The following ACACB variants were observed in gnomAD, a reference collection of about 807,000 sequenced individuals.
ACACB encodes acetyl-CoA carboxylase 2.
ACACB carries 209 observed loss-of-function variants against 278.8 expected under a neutral mutation model. The ratio of observed to expected loss-of-function variants is 0.75; its 90% CI spans 0.67 to 0.84. The LOEUF is 0.84. Ranked by LOEUF, ACACB falls within the 40% of genes least tolerant of loss-of-function variation. ACACB has a pLI of 0.00. For synonymous variants in ACACB, 1,174 were observed against 1,285.6 expected, an observed-to-expected ratio of 0.91 and a Z score of 1.86; for missense variants, 2,850 against 3,269.0, an observed-to-expected ratio of 0.87 and a Z score of 3.13.
At chr12:109,247,290 T>A (rs1224525842) in intron 39 of ACACB, among the ~76,000 whole-genome samples, 2 of 151,910 alleles carry the variant, frequency 1.3e-5, no homozygotes, top group African/African-American at 2.4e-5. Context: ...ATAAAATAGT[T>A]TTTAACATAT....
In ACACB at chr12:109,237,163, A is replaced by G. The variant is rs138426519; in HGVS notation, c.4447-2A>G. ...TGTCTTCTCTCTCTGGTCCGCCTAC[A>G]GTTTGCAGAAGATCGCATTTACCGT... On this transcript the variant is annotated splice_acceptor_variant, in intron 33 of 52. Transcript: ENST00000338432. LOFTEE classifies it high-confidence loss of function. The G allele has an allele frequency of 5.0e-6, 8 of 1,613,996 alleles. No homozygotes were observed. The highest frequency in any genetic ancestry group is 6.8e-6 in the Non-Finnish European group (8 of 1,180,016).
chr12:109,126,809 T>G (rs2042691488), intron 1 of ACACB, among the ~76,000 whole-genome samples: 1 of 152,204 alleles, frequency 6.6e-6, no homozygotes. Flanking sequence ...GGGTCTATAC[T>G]CTCAGAGGGC....
intron 4 of ACACB, among the ~76,000 whole-genome samples, chr12:109,169,142 C>CAAACAA: frequency 9.5e-6 from 1 of 105,818 alleles, no homozygotes; most frequent in Non-Finnish European, 1.8e-5. Flanking sequence ...GAGACTGTCT[C>CAAACAA]AAAAAAAAAA....
In ACACB at chr12:109,166,929, A is replaced by G; in HGVS notation, c.722A>G (p.Asp241Gly). ...CACAAGAAGCTGGACCTGCACAGAG[A>G]CTTTACCGTGGCTTCTCCCGCTGAG... ...REHKKLDLHRDFTVASPAEFV... is the reference protein window; with the variant it reads ...REHKKLDLHRGFTVASPAEFV... The change falls in exon 3 of 53, where the codon GAC becomes GGC. Residue 241 changes from aspartate (D) to glycine (G), a missense_variant. By Grantham distance (94) the Asp-to-Gly change is moderately conservative. Around this residue, in one of 3 missense-constraint regions of ACACB, gnomAD observed 2,265 missense variants for 2,561.3 expected, o/e 0.88. Coordinates refer to ENST00000338432, the MANE Select transcript of ACACB (RefSeq NM_001093.4). 6.2e-7 allele frequency: 1 copy of G among 1,613,952 alleles called. No individual in the cohort carries two copies. The highest frequency in any genetic ancestry group is 1.1e-5 in the South Asian group (1 of 91,058).
At chr12:109,142,132 C>G (rs1055934152) in intron 2 of ACACB, among the ~76,000 whole-genome samples, 1 of 152,020 alleles carries the variant, frequency 6.6e-6, no homozygotes, top group African/African-American at 2.4e-5. Flanking sequence ...ACCTATAGTT[C>G]TAGCTACTTG....
chr12:109,145,002 C>G (rs558064298), intron 2 of ACACB, among the ~76,000 whole-genome samples: 1 of 152,218 alleles, frequency 6.6e-6, no homozygotes, highest in Admixed American at 6.5e-5. Context: ...ACGTCGTGAT[C>G]CACCTGTCTA....
chr12:109,211,867 A>G (rs1026149332), intron 21 of ACACB, among the ~76,000 whole-genome samples: 11 of 152,200 alleles, frequency 7.2e-5, no homozygotes, highest in Non-Finnish European at 1.2e-4. Flanking sequence ...AAAAGTACAC[A>G]CTTGGAACTT....
At chr12:109,132,456 C>T (rs552813791) in intron 1 of ACACB, among the ~76,000 whole-genome samples, 1 of 152,144 alleles carries the variant, frequency 6.6e-6, no homozygotes, top group South Asian at 2.1e-4. Context: ...TGAGCCATCA[C>T]GCCCGGTCCC....
intron 29 of ACACB, among the ~76,000 whole-genome samples, chr12:109,233,043 T>A (rs1459467868): frequency 2.0e-5 from 3 of 152,032 alleles, no homozygotes; most frequent in Non-Finnish European, 2.9e-5. Context: ...TAGCCAAGAG[T>A]GTGAGCCTGC....
intron 2 of ACACB, among the ~76,000 whole-genome samples, chr12:109,161,886 T>C (rs2043737436): frequency 6.6e-6 from 1 of 152,128 alleles, no homozygotes; most frequent in African/African-American, 2.4e-5. Context: ...CGGCTCTTAA[T>C]ACTTTAGCAT....
rs766083485 is a variant in ACACB at position 109,176,230 on chromosome 12, G to T, written c.1404G>T (p.Glu468Asp). ...GGGGKGIRKA[E>D]SAEDFPILFR... ...GAGGGAAGGGAATCCGGAAGGCTGAGAGTGCGGAGGACTTCCCGATCCTTT... is the reference window on the plus strand; with the variant it reads ...GAGGGAAGGGAATCCGGAAGGCTGATAGTGCGGAGGACTTCCCGATCCTTT... The change falls in exon 9 of 53, where the codon GAG becomes GAT. Residue 468 changes from glutamate to aspartate, a missense_variant. Glu to Asp is a conservative substitution (Grantham distance 45, BLOSUM62 2). This residue lies in a region of ACACB where 2,265 missense variants were observed against 2,561.3 expected (regional missense o/e 0.88). Transcript: ENST00000338432. 5 of 1,614,234 alleles carry T rather than the reference G, an allele frequency of 3.1e-6. No homozygotes were observed. The South Asian group carries it at 5.5e-5, about 18-fold the overall frequency.
intron 52 of ACACB, 58 bp downstream of exon 52, chr12:109,265,583 A>C: frequency 6.3e-7 from 1 of 1,575,990 alleles, no homozygotes; most frequent in Admixed American, 1.7e-5. Context: ...GCCTGGATTG[A>C]CCCCTAGCTA....
rs570359323 is a variant in ACACB, at chr12:109,241,215, C to T, written c.4956C>T (p.Thr1652=). ...GSAVPIRLFI[T]NESGYYLDIS... The stretch of plus-strand genomic sequence containing the variant: ...CCGTTCCCATCCGCCTGTTCATCAC[C>T]AATGAGTCGGGCTACTACCTGGACA... The change falls in exon 36 of 53, where the codon ACC becomes ACT. Residue 1652 remains threonine, a synonymous_variant. Coordinates refer to ENST00000338432, the MANE Select transcript of ACACB (RefSeq NM_001093.4). 134 of 1,614,232 alleles carry T rather than the reference C, an allele frequency of 8.3e-5. No individual in the cohort carries two copies. In the South Asian group the frequency reaches 1.3e-3, roughly 15 times the overall value.
chr12:109,264,475 C>A (rs1371923971), intron 50 of ACACB, 89 bp downstream of exon 50: 2 of 926,268 alleles, frequency 2.2e-6, no homozygotes, highest in African/African-American at 1.7e-5. Context: ...GCGGGGAGGG[C>A]GGTGGTGGTT....
At chr12:109,201,839 C>T in intron 19 of ACACB, 138 bp downstream of exon 19, 2 of 1,201,468 alleles carry the variant, frequency 1.7e-6, no homozygotes, top group Admixed American at 5.3e-5. Context: ...TCGCAGCAGC[C>T]ACCGTGATGG....
At chr12:109,238,167 C>A (rs1441583521) in intron 34 of ACACB, among the ~76,000 whole-genome samples, 1 of 151,104 alleles carries the variant, frequency 6.6e-6, no homozygotes, top group South Asian at 2.1e-4. Context: ...TTTCTAGACA[C>A]AATTCCGTCC....
chr12:109,245,856 A>C (rs2046927745), intron 38 of ACACB, 108 bp downstream of exon 38: 3 of 1,378,006 alleles, frequency 2.2e-6, no homozygotes, highest in Admixed American at 4.7e-5. Context: ...TGGGAGGCCA[A>C]GGTGGGTGGA....
At chr12:109,257,394 T>A (rs971439586) in intron 45 of ACACB, among the ~76,000 whole-genome samples, 5 of 152,144 alleles carry the variant, frequency 3.3e-5, no homozygotes, top group Middle Eastern at 3.4e-3. Flanking sequence ...CACCCCTGCA[T>A]CATAGGGTAA....
chr12:109,188,181 C>A lies in ACACB; in HGVS notation c.2144+19C>A, dbSNP rs1427583499. The A allele has an allele frequency of 4.6e-5, 25 of 544,772 alleles. No homozygotes were observed. The highest frequency in any genetic ancestry group is 7.0e-5 in the Non-Finnish European group (24 of 344,392). The allele number at this position is 544,772 out of a possible 1,614,324, so 33.7% of individuals were successfully genotyped here. On this transcript the variant is annotated intron_variant, in intron 13 of 52. Transcript: ENST00000338432. ...CCATTTCGTCAGTATCTCCTTCCTT[C>A]CTTCCTTCCTTCCTTCCTTCCTTCC... is the stretch of plus-strand genomic sequence containing the variant.
Sources: gnomAD v4.1 joint callset for allele counts (sites outside exome capture counted in the v4.1 genomes callset) on GRCh38, gnomAD v4.1.1 for gene constraint, gnomAD v4.1.1 regional missense constraint, MANE v1.5 for transcripts, NCBI Gene and HGNC (gene_info 2026-07-23, HGNC 2026-07-21) for gene names.